Variants in SORCS1 observed in about 807,000 individuals in gnomAD.
The protein encoded by SORCS1 is sortilin related VPS10 domain containing receptor 1, also known as VPS10 domain-containing receptor SorCS1.
SORCS1 carries 60 observed loss-of-function variants against 146.1 expected under a neutral mutation model. That is an observed-to-expected ratio of 0.41 (90% CI 0.33 to 0.51). The LOEUF (loss-of-function observed/expected upper bound fraction) is 0.51. Among genes scored for constraint, SORCS1 ranks in the 20% least tolerant of loss-of-function variants. SORCS1 has a pLI of 0.21. For synonymous variants in SORCS1, 637 were observed against 584.0 expected (o/e 1.09, Z -1.31); for missense variants, 1,352 against 1,487.6 (o/e 0.91, Z 1.50).
At chr10:106,773,857 G>A (rs1305122268) in intron 4 of SORCS1, among the ~76,000 whole-genome samples, 3 of 152,088 alleles carry the variant, frequency 2.0e-5, no homozygotes, top group Non-Finnish European at 2.9e-5. Context: ...GCTGAGGCAG[G>A]AGAATCGCCT....
upstream of SORCS1, among the ~76,000 whole-genome samples, chr10:107,166,045 G>A (rs1252056524): frequency 1.3e-5 from 2 of 152,158 alleles, no homozygotes; most frequent in East Asian, 3.9e-4. Context: ...TTGCTTCTAA[G>A]GGTTGAAATG....
At chr10:106,794,099 C>A (rs1479243365) in intron 3 of SORCS1, among the ~76,000 whole-genome samples, 1 of 152,120 alleles carries the variant, frequency 6.6e-6, no homozygotes, top group Non-Finnish European at 1.5e-5. Context: ...TGACCAGCAC[C>A]CGAGTTCTAT....
At chr10:106,825,776 C>G (rs184757348) in intron 3 of SORCS1, among the ~76,000 whole-genome samples, 125 of 152,268 alleles carry the variant, frequency 8.2e-4, no homozygotes, top group Non-Finnish European at 1.6e-3. Context: ...GACATCGTGA[C>G]AGATAGCCAG....
the SORCS1 span, among the ~76,000 whole-genome samples, chr10:107,178,233 A>G: frequency 1.3e-5 from 2 of 152,178 alleles, no homozygotes; most frequent in Non-Finnish European, 2.9e-5. Flanking sequence ...AGCAAACAGT[A>G]GAACTTACTC....
At chr10:107,109,422 G>A (rs1005109810) in intron 1 of SORCS1, among the ~76,000 whole-genome samples, 17 of 152,216 alleles carry the variant, frequency 1.1e-4, no homozygotes, top group African/African-American at 3.4e-4. Context: ...CCACCAAGGC[G>A]TATGACTTGC....
intron 3 of SORCS1, among the ~76,000 whole-genome samples, chr10:106,780,555 G>A (rs1360910273): frequency 2.6e-5 from 4 of 152,198 alleles, no homozygotes; most frequent in Non-Finnish European, 2.9e-5. Context: ...ATGAATAAAG[G>A]AATGAATAAA....
chr10:107,145,314 C>T (rs1968226866), intron 1 of SORCS1, among the ~76,000 whole-genome samples: 1 of 152,088 alleles, frequency 6.6e-6, no homozygotes, highest in South Asian at 2.1e-4. Flanking sequence ...AAATGAGGAG[C>T]CTGGAGAAAG....
At chr10:107,025,629 A>C (rs1443933061) in intron 1 of SORCS1, among the ~76,000 whole-genome samples, 1 of 152,222 alleles carries the variant, frequency 6.6e-6, no homozygotes, top group Non-Finnish European at 1.5e-5. Context: ...CAAAATGGTC[A>C]ATTTCTGTTT....
the SORCS1 span, among the ~76,000 whole-genome samples, chr10:107,177,329 G>A: frequency 6.6e-6 from 1 of 152,160 alleles, no homozygotes; most frequent in Admixed American, 6.5e-5. Context: ...AATAAATACA[G>A]GGTATTCCCA....
Position 106,946,840 on chromosome 10 carries a change from T to C in SORCS1, c.626+9673A>G, listed in dbSNP as rs143672672. Reference sequence around the variant, plus strand: ...TATTTACTTATATGCTTATTCCCACTGACTATCTAGTACACTGCTTGGCAT... The same window carrying C: ...TATTTACTTATATGCTTATTCCCACCGACTATCTAGTACACTGCTTGGCAT... On this transcript the variant is annotated intron_variant, in intron 2 of 25. Coordinates refer to ENST00000263054, the MANE Select transcript of SORCS1 (RefSeq NM_052918.5). Among the ~76,000 whole-genome samples, 502 of 152,360 alleles carry C rather than the reference T, an allele frequency of 3.3e-3. 8 individuals carry two copies. The highest frequency in any genetic ancestry group is 9.3e-3 in the African/African-American group (387 of 41,586).
At chr10:106,788,998 G>A (rs1946190538) in intron 3 of SORCS1, among the ~76,000 whole-genome samples, 1 of 152,198 alleles carries the variant, frequency 6.6e-6, no homozygotes, top group African/African-American at 2.4e-5. Flanking sequence ...TCTAGGTAGA[G>A]GTTCCCAAAT....
chr10:107,008,650 T>A (rs1206779243), intron 1 of SORCS1, among the ~76,000 whole-genome samples: 1 of 152,172 alleles, frequency 6.6e-6, no homozygotes, highest in East Asian at 1.9e-4. Flanking sequence ...ACTGGATAAA[T>A]TTGCTTAAGT....
At chr10:106,767,346 G>A (rs966906831) in intron 4 of SORCS1, among the ~76,000 whole-genome samples, 1 of 152,100 alleles carries the variant, frequency 6.6e-6, no homozygotes, top group South Asian at 2.1e-4. Flanking sequence ...TTAGACTTAC[G>A]GAACTAGAGC....
chr10:106,670,524 G>A (rs973110516), intron 16 of SORCS1, among the ~76,000 whole-genome samples: 6 of 152,048 alleles, frequency 3.9e-5, no homozygotes, highest in Non-Finnish European at 8.8e-5. Context: ...ACTACGAATC[G>A]AAAACTTGCA....
intron 1 of SORCS1, among the ~76,000 whole-genome samples, chr10:107,017,798 G>A (rs1034577436): frequency 3.3e-5 from 5 of 152,180 alleles, no homozygotes; most frequent in South Asian, 2.1e-4. Flanking sequence ...ACCCAAGTGC[G>A]TGCCACCACG....
chr10:107,134,593 C>T (rs748063752), intron 1 of SORCS1, among the ~76,000 whole-genome samples: 10 of 152,012 alleles, frequency 6.6e-5, no homozygotes, highest in Non-Finnish European at 1.5e-4. Flanking sequence ...GAGCCGAGAT[C>T]GCGCCACTGC....
chr10:106,912,728 G>C (rs757771832), intron 2 of SORCS1, among the ~76,000 whole-genome samples: 1 of 152,024 alleles, frequency 6.6e-6, no homozygotes, highest in African/African-American at 2.4e-5. Context: ...GCCCAGGCTG[G>C]AGTGCATTGG....
At chr10:107,087,852 T>C (rs1366134595) in intron 1 of SORCS1, among the ~76,000 whole-genome samples, 1 of 152,262 alleles carries the variant, frequency 6.6e-6, no homozygotes, top group Non-Finnish European at 1.5e-5. Flanking sequence ...GTTTCCCTTT[T>C]GGTTGCTAGA....
chr10:106,951,429 G>T (rs902979954), intron 2 of SORCS1, among the ~76,000 whole-genome samples: 3 of 150,692 alleles, frequency 2.0e-5, no homozygotes, highest in Non-Finnish European at 4.4e-5. Flanking sequence ...AGAATGGCGG[G>T]TGAACCCAGG....
Sources: allele counts gnomAD v4.1 joint callset (sites outside exome capture counted in the v4.1 genomes callset), GRCh38; gene constraint gnomAD v4.1.1; transcripts MANE v1.5; gene names NCBI Gene and HGNC (gene_info 2026-07-23, HGNC 2026-07-21).